The following RBFOX1 variants were observed in gnomAD, a reference collection of about 807,000 sequenced individuals.
RBFOX1 encodes RNA binding protein fox-1 homolog 1.
Under a neutral mutation model 57.7 loss-of-function variants are expected in RBFOX1, and 8 were observed. The ratio of observed to expected loss-of-function variants is 0.14; its 90% confidence interval spans 0.08 to 0.25. RBFOX1 has a LOEUF of 0.25. Ranked by LOEUF, RBFOX1 falls within the 10% of genes least tolerant of loss-of-function variation. The probability of loss-of-function intolerance (pLI) is 1.00; values close to 1 mark genes in which losing one functional copy is unlikely to be tolerated. For synonymous variants in RBFOX1, 326 were observed against 222.4 expected (o/e 1.47, Z -4.15); for missense variants, 611 against 548.5 (o/e 1.11, Z -1.14).
intron 3 of RBFOX1, among the ~76,000 whole-genome samples, chr16:6,924,028 G>C (rs540289226): frequency 2.6e-5 from 4 of 151,856 alleles, no homozygotes; most frequent in Admixed American, 6.6e-5. Context: ...ACATTAGTCA[G>C]GTATGGTGGT....
intron 1 of RBFOX1, among the ~76,000 whole-genome samples, chr16:5,403,371 A>AAAAAAAAAC (rs2066771709): frequency 6.6e-6 from 1 of 151,604 alleles, no homozygotes; most frequent in African/African-American, 2.4e-5. Flanking sequence ...AAAAAAACAA[A>AAAAAAAAAC]AAACAAACAA....
At chr16:6,486,310 A>G (rs1461680672) in intron 2 of RBFOX1, among the ~76,000 whole-genome samples, 1 of 151,978 alleles carries the variant, frequency 6.6e-6, no homozygotes, top group Admixed American at 6.6e-5. Flanking sequence ...CTAGTGAAGA[A>G]CAAACTTGGT....
chr16:6,648,506 G>T (rs1032727519), intron 2 of RBFOX1, among the ~76,000 whole-genome samples: 3 of 152,136 alleles, frequency 2.0e-5, no homozygotes, highest in Non-Finnish European at 4.4e-5. Context: ...GTCTAGTGCC[G>T]TGAGTCTAAT....
At chr16:7,135,937 A>G (rs896653330) in intron 4 of RBFOX1, among the ~76,000 whole-genome samples, 2 of 152,192 alleles carry the variant, frequency 1.3e-5, no homozygotes, top group African/African-American at 4.8e-5. Context: ...TGGAGTTGCC[A>G]TTTCATCGGA....
chr16:5,694,716 A>G (rs2050795475), intron 3 of RBFOX1, among the ~76,000 whole-genome samples: 1 of 151,450 alleles, frequency 6.6e-6, no homozygotes, highest in South Asian at 2.1e-4. Flanking sequence ...TTTAAAGTAG[A>G]CCACTCACAG....
At chr16:7,498,406 A>G (rs1425674778) in intron 4 of RBFOX1, among the ~76,000 whole-genome samples, 2 of 152,094 alleles carry the variant, frequency 1.3e-5, no homozygotes, top group South Asian at 2.1e-4. Context: ...TGTCCAACAG[A>G]AATATAACCA....
intron 3 of RBFOX1, among the ~76,000 whole-genome samples, chr16:6,854,102 C>G (rs1230162928): frequency 6.6e-6 from 1 of 152,158 alleles, no homozygotes; most frequent in Non-Finnish European, 1.5e-5. Context: ...ATAATGTTTT[C>G]TTTTACAAAA....
rs558565002 is a variant in RBFOX1 at position 5,621,601 on chromosome 16, C to T, written c.318+22640C>T. Among the ~76,000 whole-genome samples the T allele has an allele frequency of 2.0e-5, 3 of 152,190 alleles. No homozygotes were observed. The South Asian group carries it at 6.2e-4, about 32-fold the overall frequency. On this transcript the variant is annotated intron_variant, in intron 3 of 19. Coordinates refer to the RBFOX1 transcript ENST00000641259. ...CGGGATTCAGTGCTGACTTCCCCTA[C>T]GGAAAATACTATAAGTGAAGATTAA...
chr16:7,483,229 G>T (rs1172848965), intron 4 of RBFOX1, among the ~76,000 whole-genome samples: 1 of 152,114 alleles, frequency 6.6e-6, no homozygotes, highest in Non-Finnish European at 1.5e-5. Context: ...AACTATTTTG[G>T]GTCCCTCCTG....
chr16:7,659,975 C>A, intron 12 of RBFOX1, among the ~76,000 whole-genome samples: 1 of 152,238 alleles, frequency 6.6e-6, no homozygotes, highest in Admixed American at 6.5e-5. Context: ...TCTGATCCCC[C>A]CAATATCCAT....
chr16:6,110,746 G>T (rs187621972), intron 1 of RBFOX1, among the ~76,000 whole-genome samples: 1 of 152,076 alleles, frequency 6.6e-6, no homozygotes, highest in Non-Finnish European at 1.5e-5. Flanking sequence ...TTTGCCCCCC[G>T]CCAGAGGACA....
At chr16:5,928,599 A>G (rs918212146) in intron 4 of RBFOX1, among the ~76,000 whole-genome samples, 1 of 151,340 alleles carries the variant, frequency 6.6e-6, no homozygotes. Flanking sequence ...TCCTCCTGCC[A>G]CCACATCCCT....
intron 3 of RBFOX1, among the ~76,000 whole-genome samples, chr16:6,899,359 T>A (rs953377916): frequency 6.6e-6 from 1 of 152,190 alleles, no homozygotes; most frequent in African/African-American, 2.4e-5. Flanking sequence ...CATCAGGCAT[T>A]TTCTTCTTCC....
At chr16:6,833,056 G>C (rs927750725) in intron 3 of RBFOX1, among the ~76,000 whole-genome samples, 4 of 151,718 alleles carry the variant, frequency 2.6e-5, no homozygotes, top group Non-Finnish European at 4.4e-5. Flanking sequence ...AAATATTTCA[G>C]GCTCTTTTCC....
intron 4 of RBFOX1, among the ~76,000 whole-genome samples, chr16:7,196,101 T>G (rs12932045): frequency 6.6e-6 from 1 of 151,892 alleles, no homozygotes; most frequent in African/African-American, 2.4e-5. Context: ...GTTTGCTCTT[T>G]TCTCTTCATC....
intron 15 of RBFOX1, chr16:7,709,973 C>G (rs947368449): frequency 2.2e-5 from 22 of 1,006,840 alleles, no homozygotes; most frequent in Non-Finnish European, 2.1e-5. Flanking sequence ...TTTGAATTGC[C>G]AATACTTTTA....
intron 3 of RBFOX1, among the ~76,000 whole-genome samples, chr16:5,773,930 G>A (rs1481252820): frequency 6.6e-6 from 1 of 152,110 alleles, no homozygotes. Flanking sequence ...CTGACCTCAT[G>A]ATCTGCCTGC....
At chr16:7,600,064 T>C (rs990965948) in intron 9 of RBFOX1, among the ~76,000 whole-genome samples, 4 of 152,118 alleles carry the variant, frequency 2.6e-5, no homozygotes, top group African/African-American at 4.8e-5. Flanking sequence ...AACAAAAAAA[T>C]TATTAAATGT....
At chr16:7,689,957 G>T (rs771834881) in intron 14 of RBFOX1, among the ~76,000 whole-genome samples, 5 of 152,040 alleles carry the variant, frequency 3.3e-5, no homozygotes, top group African/African-American at 4.8e-5. Context: ...TAAGTAGCTA[G>T]GTTGCCCTGG....
Sources: gnomAD v4.1 joint callset for allele counts (sites outside exome capture counted in the v4.1 genomes callset) on GRCh38, gnomAD v4.1.1 for gene constraint, MANE v1.5 for transcripts, NCBI Gene and HGNC (gene_info 2026-07-23, HGNC 2026-07-21) for gene names.